Variants in HELLS observed in about 807,000 individuals in gnomAD.
HELLS encodes helicase, lymphoid specific, also known as lymphoid-specific helicase.
A neutral mutation model predicts 120.0 loss-of-function variants in HELLS; 32 were observed. That is an observed-to-expected ratio of 0.27 (90% CI 0.20 to 0.36). The LOEUF (loss-of-function observed/expected upper bound fraction) is 0.36, where lower values mean the gene tolerates loss of function less well. Among genes scored for constraint, HELLS ranks in the 10% least tolerant of loss-of-function variants. The pLI is 1.00. For missense variants in HELLS, 650 were observed against 993.4 expected, an observed-to-expected ratio of 0.65 and a Z score of 4.65; for synonymous variants, 341 against 323.4, an observed-to-expected ratio of 1.05 and a Z score of -0.58.
chr10:94,603,048 T>C (rs1488910801), downstream of HELLS, among the ~76,000 whole-genome samples: 2 of 152,226 alleles, frequency 1.3e-5, no homozygotes, highest in African/African-American at 4.8e-5. Flanking sequence ...TCTTTAAAAG[T>C]TGTCACCGTT....
intron 9 of HELLS, chr10:94,608,121 A>T (rs1389518554): frequency 1.2e-5 from 2 of 160,960 alleles, no homozygotes; most frequent in African/African-American, 4.8e-5. Context: ...TTTATTTCAA[A>T]GAATTATTTC....
chr10:94,575,966 T>G (rs1473480226), intron 9 of HELLS, among the ~76,000 whole-genome samples: 11 of 151,916 alleles, frequency 7.2e-5, no homozygotes, highest in Admixed American at 7.2e-4. Flanking sequence ...CCTGGCTAAT[T>G]TTGTATTTTT....
Position 94,592,486 on chromosome 10 carries a change from C to G in HELLS, c.1943C>G (p.Ser648Cys), listed in dbSNP as rs1845540474. The G allele has an allele frequency of 6.6e-6, 10 of 1,524,296 alleles. No homozygotes were observed. The highest frequency in any genetic ancestry group is 8.8e-6 in the Non-Finnish European group (10 of 1,140,186). The allele number at this position is 1,524,296 out of a possible 1,614,324, so 94.4% of individuals were successfully genotyped here. The change falls in exon 17 of 22, where the codon TCC (serine) becomes TGC (cysteine). Residue 648 changes from serine to cysteine, a missense_variant. This residue lies in a region of HELLS where 191 missense variants were observed against 259.7 expected (regional missense o/e 0.74). Transcript: ENST00000348459. ...RDFNFSRLDG[S>C]MSYSEREKNM... ...TTCAACTTCAGCAGGCTTGATGGGT[C>G]CATGTCTTACTCAGAGAGAGAAAAA...
At chr10:94,584,054 T>G in intron 12 of HELLS, 1 of 1,279,086 alleles carries the variant, frequency 7.8e-7, no homozygotes, top group East Asian at 2.6e-5. Flanking sequence ...CAAATTGCCC[T>G]CCAGAAAAGA....
intron 21 of HELLS, 139 bp from the exon 22 acceptor site, chr10:94,601,389 A>G (rs1257565152): frequency 1.8e-6 from 1 of 552,656 alleles, no homozygotes; most frequent in African/African-American, 2.0e-5. Context: ...TGATTAAGGA[A>G]GAGAGTGCCC....
At chr10:94,572,498 T>C (rs772317195) in intron 7 of HELLS, among the ~76,000 whole-genome samples, 2 of 152,220 alleles carry the variant, frequency 1.3e-5, no homozygotes, top group African/African-American at 2.4e-5. Context: ...ATTTATGTTG[T>C]TGAGCATATT....
In HELLS at chr10:94,607,340, C is replaced by T. The variant is rs186091658; in HGVS notation, c.818-570C>T. On this transcript the variant is annotated intron_variant, in intron 8 of 9. Coordinates refer to the HELLS transcript ENST00000371327. ...TTATTTTTCAGTTCCCAAAATCTTG[C>T]TTTGCCATTGCTTCTATTTTATTGT... Among the ~76,000 whole-genome samples the T allele has an allele frequency of 5.5e-4, 84 of 152,284 alleles. 2 individuals carry two copies. The East Asian group carries it at 0.015, about 27-fold the overall frequency.
intron 6 of HELLS, among the ~76,000 whole-genome samples, chr10:94,567,723 T>C (rs1843893687): frequency 6.6e-6 from 1 of 152,018 alleles, no homozygotes; most frequent in South Asian, 2.1e-4. Flanking sequence ...TTGGGCAACA[T>C]GGCGAAATCC....
intron 10 of HELLS, chr10:94,577,659 G>A (rs73329662): frequency 0.034 from 5,188 of 152,382 alleles, 261 homozygotes; most frequent in African/African-American, 0.11. Flanking sequence ...GGGCATGAAG[G>A]CTTATGCCAG....
intron 18 of HELLS, among the ~76,000 whole-genome samples, 165 bp downstream of exon 18, chr10:94,593,780 A>G (rs1175058310): frequency 1.3e-5 from 2 of 150,974 alleles, no homozygotes; most frequent in South Asian, 4.2e-4. Flanking sequence ...CTCTTGCCTC[A>G]GCCCCCTGAG....
intron 21 of HELLS, among the ~76,000 whole-genome samples, chr10:94,597,569 G>C (rs917496542): frequency 2.0e-5 from 3 of 152,040 alleles, no homozygotes; most frequent in African/African-American, 7.2e-5. Flanking sequence ...GTCTTGCCCT[G>C]TCGCCCAGGC....
intron 3 of HELLS, among the ~76,000 whole-genome samples, chr10:94,555,809 T>A (rs1843232311): frequency 6.6e-6 from 1 of 152,134 alleles, no homozygotes; most frequent in South Asian, 2.1e-4. Context: ...TTGTATTTTT[T>A]GTAGAGACAG....
At chr10:94,553,622 C>T (rs1380498661) in intron 2 of HELLS, among the ~76,000 whole-genome samples, 1 of 147,264 alleles carries the variant, frequency 6.8e-6, no homozygotes, top group Non-Finnish European at 1.5e-5. Flanking sequence ...TCTCGGCTCA[C>T]TGCAGCCTCT....
At chr10:94,612,437 A>G (rs967305935) in exon 10 of HELLS, 13 of 152,196 alleles carry the variant, frequency 8.5e-5, no homozygotes, top group African/African-American at 2.7e-4. Context: ...TACTGGCACT[A>G]TGATGTTATT....
chr10:94,560,192 C>T (rs186468305), intron 4 of HELLS, among the ~76,000 whole-genome samples: 34 of 152,044 alleles, frequency 2.2e-4, no homozygotes, highest in Non-Finnish European at 2.6e-4. Context: ...CCAGCACACC[C>T]GGCTAATTTT....
At chr10:94,586,755 G>T (rs1251100087) in intron 12 of HELLS, among the ~76,000 whole-genome samples, 1 of 151,762 alleles carries the variant, frequency 6.6e-6, no homozygotes. Context: ...GCAGTGGCAA[G>T]ATCTTGGCTC....
chr10:94,589,450 A>C (rs886535423), intron 13 of HELLS, among the ~76,000 whole-genome samples: 2 of 152,202 alleles, frequency 1.3e-5, no homozygotes, highest in African/African-American at 4.8e-5. Flanking sequence ...ACAGAAGGTT[A>C]TTGATAACCA....
At chr10:94,575,765 TTGTGTTTGTGTGTG>T (rs1564597291) in intron 9 of HELLS, among the ~76,000 whole-genome samples, 4 of 38,702 alleles carry the variant, frequency 1.0e-4, no homozygotes, top group African/African-American at 2.8e-4. Context: ...GGGGGGGGGG[TTGTGTTTGTGTGTG>T]TGTGTGTGTG....
chr10:94,598,626 A>T lies in HELLS; in HGVS notation c.2422+1515A>T, dbSNP rs1158799264. 5.0e-3 allele frequency among the ~76,000 whole-genome samples: 640 copies of T among 129,086 alleles called. 3 individuals carry two copies. Among genetic ancestry groups the T allele is most frequent in the African/African-American group, 0.018 (586 of 33,238 alleles). 84.7% of individuals were successfully genotyped at this position (129,086 alleles called of 152,430 possible). A position where few individuals can be genotyped will look rare whatever the true frequency, so the allele number is the denominator to read the frequency against. On this transcript the variant is annotated intron_variant, in intron 21 of 21. Transcript: ENST00000348459. ...TGGAAGTTTTTTTTTTTTTTTTTTT[A>T]ATCAGATGTATTTTCCAAACATTTT...
Sources: gnomAD v4.1 joint callset for allele counts (sites outside exome capture counted in the v4.1 genomes callset) on GRCh38, gnomAD v4.1.1 for gene constraint, gnomAD v4.1.1 regional missense constraint, MANE v1.5 for transcripts, NCBI Gene and HGNC (gene_info 2026-07-23, HGNC 2026-07-21) for gene names.